PYGB: variants seen among roughly 807,000 people sequenced by gnomAD.
The protein encoded by PYGB is glycogen phosphorylase, brain form.
A neutral mutation model predicts 94.3 loss-of-function variants in PYGB; 82 were observed. That is an observed-to-expected ratio of 0.87 (90% CI 0.73 to 1.04). The LOEUF is 1.04. Ranked by LOEUF, PYGB falls within the 50% of genes least tolerant of loss-of-function variation. The pLI, the probability that PYGB is intolerant of heterozygous loss-of-function variation, is 0.00. For missense variants in PYGB, 1,132 were observed against 1,158.2 expected (o/e 0.98, Z 0.33); for synonymous variants, 488 against 479.1 (o/e 1.02, Z -0.24).
intron 1 of PYGB, among the ~76,000 whole-genome samples, chr20:25,254,725 A>C (rs2092898425): frequency 2.0e-5 from 3 of 152,230 alleles, no homozygotes; most frequent in Non-Finnish European, 4.4e-5. Context: ...ACTTAGTGTA[A>C]GTTGATTAGG....
intron 2 of PYGB, among the ~76,000 whole-genome samples, chr20:25,261,997 G>A (rs867842857): frequency 2.0e-5 from 3 of 152,136 alleles, no homozygotes; most frequent in African/African-American, 7.2e-5. Flanking sequence ...ACCAATCTAC[G>A]GCTGATTGAT....
In PYGB at chr20:25,248,123, T is replaced by C; in HGVS notation, c.-56T>C. On this transcript the variant is annotated 5_prime_UTR_variant, in exon 1 of 20. Coordinates refer to ENST00000216962, the MANE Select transcript of PYGB (RefSeq NM_002862.4). ...CAGAGCAGCTGCACCATCCCGGCGT[T>C]CGCGTGTGCCGCCGCTTTCCTCCTC... is the stretch of plus-strand genomic sequence containing the variant. 1.3e-6 allele frequency: 2 copies of C among 1,490,622 alleles called. No homozygotes were observed. The highest frequency in any genetic ancestry group is 1.6e-5 in the African/African-American group (1 of 64,178). The allele number at this position is 1,490,622 out of a possible 1,614,324, so 92.3% of individuals were successfully genotyped here.
intron 18 of PYGB, chr20:25,294,872 C>A (rs1435271746): frequency 9.9e-5 from 135 of 1,359,284 alleles, no homozygotes; most frequent in Non-Finnish European, 1.3e-4. Context: ...TTGAATCCGG[C>A]GAGGGCTGGG....
At chr20:25,248,984 C>T (rs1050163821) in intron 1 of PYGB, among the ~76,000 whole-genome samples, 1 of 152,190 alleles carries the variant, frequency 6.6e-6, no homozygotes, top group Non-Finnish European at 1.5e-5. Context: ...GGAGATGGAG[C>T]CCTCGAAGAA....
intron 16 of PYGB, among the ~76,000 whole-genome samples, chr20:25,290,954 C>T (rs1410486746): frequency 6.6e-6 from 1 of 151,816 alleles, no homozygotes; most frequent in African/African-American, 2.4e-5. Flanking sequence ...CTGCCCTGGG[C>T]CCCTCTGCTG....
rs2088502714 is a variant in PYGB, at chr20:25,294,166, C to A, written c.2186C>A (p.Ala729Asp). The A allele has an allele frequency of 1.9e-6, 3 of 1,613,528 alleles. No homozygotes were observed. The highest frequency in any genetic ancestry group is 2.5e-6 in the Non-Finnish European group (3 of 1,180,010). The change falls in exon 18 of 20, where the codon GCC becomes GAC. Residue 729 changes from alanine (A) to aspartate (D), a missense_variant. Transcript: ENST00000216962. ...VEALDRKGYN[A>D]REYYDHLPEL... is the part of the protein sequence containing the mutation. Reference sequence around the variant, plus strand: ...GGCCCATCGCCTCACAGGTACAATGCCAGGGAGTACTACGACCACCTGCCC... The same window carrying A: ...GGCCCATCGCCTCACAGGTACAATGACAGGGAGTACTACGACCACCTGCCC...
intron 2 of PYGB, among the ~76,000 whole-genome samples, chr20:25,265,804 C>T (rs1214315778): frequency 6.6e-6 from 1 of 151,490 alleles, no homozygotes; most frequent in East Asian, 1.9e-4. Context: ...ACCATGTTAG[C>T]CAGGATGGTC....
intron 1 of PYGB, among the ~76,000 whole-genome samples, chr20:25,250,746 A>G (rs1180247901): frequency 6.6e-6 from 1 of 152,160 alleles, no homozygotes; most frequent in Non-Finnish European, 1.5e-5. Flanking sequence ...AGACTGTGGT[A>G]ATGTGACACT....
At chr20:25,295,094 C>T (rs1459548139) in intron 18 of PYGB, 14 of 1,489,524 alleles carry the variant, frequency 9.4e-6, no homozygotes, top group Admixed American at 6.7e-5. Flanking sequence ...GCTTCTGACT[C>T]GATAGTGAAC....
At chr20:25,290,697 T>C in intron 16 of PYGB, 75 bp downstream of exon 16, 1 of 1,556,142 alleles carries the variant, frequency 6.4e-7, no homozygotes, top group Non-Finnish European at 8.8e-7. Context: ...CCCCGGGCCT[T>C]TCATCCTCAG....
chr20:25,250,556 T>C (rs2123503253), intron 1 of PYGB, among the ~76,000 whole-genome samples: 1 of 152,372 alleles, frequency 6.6e-6, no homozygotes, highest in African/African-American at 2.4e-5. Flanking sequence ...ACTGCTTCTT[T>C]CGCTAATTCA....
intron 14 of PYGB, among the ~76,000 whole-genome samples, chr20:25,288,043 GT>G (rs2088432965): frequency 6.6e-6 from 1 of 152,206 alleles, no homozygotes; most frequent in Non-Finnish European, 1.5e-5. Flanking sequence ...TTGAACACTG[GT>G]GACCAGACCC....
intron 2 of PYGB, among the ~76,000 whole-genome samples, chr20:25,268,562 C>A (rs1282992297): frequency 6.6e-6 from 1 of 152,070 alleles, no homozygotes; most frequent in African/African-American, 2.4e-5. Flanking sequence ...CCTTCTGAGA[C>A]CAAAAAGTTT....
intron 1 of PYGB, among the ~76,000 whole-genome samples, chr20:25,255,821 C>T (rs1054326912): frequency 6.6e-6 from 1 of 151,988 alleles, no homozygotes; most frequent in African/African-American, 2.4e-5. Flanking sequence ...GCAACCTCCG[C>T]CTCCCGGGTT....
chr20:25,288,271 C>T (rs1341929156), intron 14 of PYGB, 154 bp from the exon 15 acceptor site: 1 of 862,198 alleles, frequency 1.2e-6, no homozygotes, highest in Non-Finnish European at 1.9e-6. Flanking sequence ...TGGCCAGTGG[C>T]CCTGTGCCAC....
intron 19 of PYGB, among the ~76,000 whole-genome samples, chr20:25,296,077 T>C (rs1233565737): frequency 1.3e-5 from 2 of 152,152 alleles, no homozygotes; most frequent in Non-Finnish European, 2.9e-5. Context: ...GCCTGGGCAG[T>C]TCTTACCTGG....
intron 18 of PYGB, among the ~76,000 whole-genome samples, chr20:25,295,224 G>A (rs1175167844): frequency 2.0e-5 from 3 of 152,246 alleles, no homozygotes; most frequent in African/African-American, 4.8e-5. Context: ...TGGAGATGCC[G>A]TTCCCCAGCA....
chr20:25,288,209 G>A (rs757259447), intron 14 of PYGB: 17 of 694,656 alleles, frequency 2.4e-5, no homozygotes, highest in Non-Finnish European at 4.2e-5. Flanking sequence ...CAGACCTCAG[G>A]GTGGCCTCAC....
At position 25,296,816 on chromosome 20, in the gene PYGB, C is replaced by T. The variant is rs201069491; in HGVS notation, c.*294C>T. The T allele has an allele frequency of 2.4e-5, 10 of 412,918 alleles. No individual in the cohort carries two copies. The highest frequency in any genetic ancestry group is 2.0e-4 in the African/African-American group (10 of 49,162). The allele number at this position is 412,918 out of a possible 1,614,324, so 25.6% of individuals were successfully genotyped here. On this transcript the variant is annotated 3_prime_UTR_variant, in exon 20 of 20. Coordinates refer to ENST00000216962, the MANE Select transcript of PYGB (RefSeq NM_002862.4). ...CCAGAGTGGGAGTCAGGTGGAGCCA[C>T]CTGCTGGGCTCCCCCAGAACTTTGC...
Sources: allele counts gnomAD v4.1 joint callset (sites outside exome capture counted in the v4.1 genomes callset), GRCh38; gene constraint gnomAD v4.1.1; transcripts MANE v1.5; gene names NCBI Gene and HGNC (gene_info 2026-07-23, HGNC 2026-07-21).